The following SRGAP3 variants were observed in gnomAD, a reference collection of about 807,000 sequenced individuals.
SRGAP3 encodes the protein SLIT-ROBO Rho GTPase activating protein 3.
Under a neutral mutation model 121.1 loss-of-function variants are expected in SRGAP3, and 39 were observed. The observed-to-expected ratio is 0.32, with a 90% CI of 0.25 to 0.42. SRGAP3 has a LOEUF of 0.42. Ranked by LOEUF, SRGAP3 falls within the 10% of genes least tolerant of loss-of-function variation. SRGAP3 has a pLI of 1.00. For synonymous variants in SRGAP3, 601 were observed against 570.0 expected (o/e 1.05, Z -0.77); for missense variants, 1,213 against 1,470.6 (o/e 0.82, Z 2.86).
chr3:9,139,586 T>C (rs534540174), intron 1 of SRGAP3, among the ~76,000 whole-genome samples: 1 of 152,220 alleles, frequency 6.6e-6, no homozygotes, highest in Non-Finnish European at 1.5e-5. Flanking sequence ...GGCCACACCT[T>C]GATTTTGGAT....
intron 8 of SRGAP3, among the ~76,000 whole-genome samples, chr3:9,053,791 T>C (rs549256119): frequency 6.6e-6 from 1 of 152,262 alleles, no homozygotes; most frequent in African/African-American, 2.4e-5. Flanking sequence ...AGGACTCCAG[T>C]TTTTTCTTCT....
chr3:8,990,937 G>T, intron 20 of SRGAP3, 98 bp from the exon 21 acceptor site: 1 of 1,085,484 alleles, frequency 9.2e-7, no homozygotes, highest in Non-Finnish European at 1.3e-6. Flanking sequence ...CTACACGCTA[G>T]TCTAAGGAGC....
intron 1 of SRGAP3, among the ~76,000 whole-genome samples, chr3:9,197,570 C>A (rs952992549): frequency 6.6e-6 from 1 of 152,244 alleles, no homozygotes; most frequent in Non-Finnish European, 1.5e-5. Flanking sequence ...TTAAACCACA[C>A]AACTGTGTCA....
At chr3:9,081,594 C>G (rs78850019) in intron 3 of SRGAP3, among the ~76,000 whole-genome samples, 2,430 of 152,312 alleles carry the variant, frequency 0.016, 62 homozygotes, top group African/African-American at 0.055. Context: ...GACAAGTTTT[C>G]TTAATGCAGG....
chr3:9,080,596 C>A (rs1353732102), intron 3 of SRGAP3, among the ~76,000 whole-genome samples: 1 of 152,140 alleles, frequency 6.6e-6, no homozygotes, highest in Non-Finnish European at 1.5e-5. Context: ...GAATATGAGT[C>A]CCCAGCCTCC....
At chr3:9,342,212 G>A (rs908840570) in intron 1 of SRGAP3, among the ~76,000 whole-genome samples, 4 of 152,072 alleles carry the variant, frequency 2.6e-5, no homozygotes, top group African/African-American at 7.2e-5. Context: ...TTACCTGGGC[G>A]TGGTGGCGCA....
chr3:9,060,468 C>T lies in SRGAP3; in HGVS notation c.673-109G>A, dbSNP rs1355585656. 3 of 1,410,026 alleles carry T rather than the reference C, an allele frequency of 2.1e-6. No individual in the cohort carries two copies. In the Admixed American group the frequency reaches 6.1e-5, roughly 28 times the overall value. 87.3% of individuals were successfully genotyped at this position (1,410,026 alleles called of 1,614,324 possible). On this transcript the variant is annotated intron_variant, in intron 5 of 21. Transcript: ENST00000383836. ...TTGAGACAGGGTGTTGCTCTGTCAC[C>T]CAGGTGAGAGTGCAGTGGTGTGATC... is the stretch of plus-strand genomic sequence containing the variant.
chr3:9,191,924 T>C (rs1366151237), intron 1 of SRGAP3, among the ~76,000 whole-genome samples: 1 of 152,232 alleles, frequency 6.6e-6, no homozygotes, highest in African/African-American at 2.4e-5. Flanking sequence ...CCATGTGATA[T>C]GCCTACTCCC....
chr3:9,155,761 G>A (rs1237347241), intron 1 of SRGAP3, among the ~76,000 whole-genome samples: 4 of 152,216 alleles, frequency 2.6e-5, no homozygotes, highest in Non-Finnish European at 4.4e-5. Flanking sequence ...CGGTGTTCTT[G>A]TTTGGTTTCT....
intron 19 of SRGAP3, among the ~76,000 whole-genome samples, chr3:8,993,758 T>C (rs540160869): frequency 2.6e-5 from 4 of 152,220 alleles, no homozygotes; most frequent in African/African-American, 9.6e-5. Context: ...GCTGCCTCTA[T>C]GGTAAATCTG....
At position 9,248,897 on chromosome 3, in the gene SRGAP3, C is replaced by T; in HGVS notation, c.55G>A (p.Ala19Thr). Reference protein sequence around the residue: ...KDKEIIAEYEAQIKEIRTQLV... With the variant: ...KDKEIIAEYETQIKEIRTQLV... ...GCCCGCATCTCACCTTTTATTTGGG[C>T]TTCATATTCAGCAATGATCTCTTTG... Residue 19 changes from alanine (A) to threonine (T), a missense_variant, in exon 1 of 22, where the codon GCC (alanine) becomes ACC (threonine). By Grantham distance (58) the Ala-to-Thr change is moderately conservative (BLOSUM62 0). Coordinates refer to ENST00000383836, the MANE Select transcript of SRGAP3 (RefSeq NM_014850.4). 1 of 1,614,188 alleles carries T rather than the reference C, an allele frequency of 6.2e-7. No individual in the cohort carries two copies. The highest frequency in any genetic ancestry group is 1.1e-5 in the South Asian group (1 of 91,080).
chr3:9,233,396 G>A (rs1418589869), intron 1 of SRGAP3, among the ~76,000 whole-genome samples: 2 of 152,202 alleles, frequency 1.3e-5, no homozygotes, highest in African/African-American at 2.4e-5. Context: ...TCTATCAAGA[G>A]AAGGTGGGTT....
chr3:9,307,549 T>C (rs1398190978), intron 3 of SRGAP3, among the ~76,000 whole-genome samples: 1 of 152,160 alleles, frequency 6.6e-6, no homozygotes, highest in Non-Finnish European at 1.5e-5. Flanking sequence ...AAAGAGAAGA[T>C]TAAAACAAGC....
intron 2 of SRGAP3, among the ~76,000 whole-genome samples, chr3:9,329,299 C>T (rs781296063): frequency 2.6e-5 from 4 of 152,178 alleles, no homozygotes; most frequent in Non-Finnish European, 5.9e-5. Flanking sequence ...GCCCTTTTGC[C>T]GGCATGCCAG....
intron 1 of SRGAP3, among the ~76,000 whole-genome samples, chr3:9,220,518 C>T (rs1165482606): frequency 6.6e-6 from 1 of 152,162 alleles, no homozygotes; most frequent in African/African-American, 2.4e-5. Context: ...AATGGCCCAA[C>T]AGCTGCTGCT....
intron 18 of SRGAP3, 95 bp from the exon 19 acceptor site, chr3:8,994,618 T>C (rs1249617075): frequency 2.3e-5 from 34 of 1,491,782 alleles, no homozygotes; most frequent in Middle Eastern, 2.3e-4. Flanking sequence ...TGGGGAAGGA[T>C]AGACTGCACA....
intron 1 of SRGAP3, among the ~76,000 whole-genome samples, chr3:9,344,683 A>G (rs1222736348): frequency 5.3e-5 from 8 of 152,088 alleles, no homozygotes; most frequent in Non-Finnish European, 1.0e-4. Context: ...GATTTTATCC[A>G]ATGGAAATAG....
intron 6 of SRGAP3, chr3:9,059,318 T>C (rs1946002235): frequency 6.6e-6 from 1 of 151,948 alleles, no homozygotes; most frequent in Non-Finnish European, 1.5e-5. Flanking sequence ...GGTAAATGAA[T>C]GAATAAAGGG....
At chr3:9,077,722 G>C (rs926540443) in intron 4 of SRGAP3, among the ~76,000 whole-genome samples, 2 of 152,240 alleles carry the variant, frequency 1.3e-5, no homozygotes, top group African/African-American at 4.8e-5. Flanking sequence ...GGTGTGCATG[G>C]AGCACCTGCT....
Sources: allele counts gnomAD v4.1 joint callset (sites outside exome capture counted in the v4.1 genomes callset), GRCh38; gene constraint gnomAD v4.1.1; transcripts MANE v1.5; gene names NCBI Gene and HGNC (gene_info 2026-07-23, HGNC 2026-07-21).